LOXHD1: variants seen among roughly 807,000 people sequenced by gnomAD.
LOXHD1 encodes lipoxygenase homology PLAT domains 1.
A neutral mutation model predicts 248.2 loss-of-function variants in LOXHD1; 205 were observed. The observed-to-expected ratio is 0.83, with a 90% CI of 0.74 to 0.93. The LOEUF is 0.93. Ranked by LOEUF, LOXHD1 falls within the 40% of genes least tolerant of loss-of-function variation. The pLI, the probability that LOXHD1 is intolerant of heterozygous loss-of-function variation, is 0.00. For missense variants in LOXHD1, 2,930 were observed against 2,971.6 expected, an observed-to-expected ratio of 0.99 and a Z score of 0.33; for synonymous variants, 1,113 against 1,162.8, an observed-to-expected ratio of 0.96 and a Z score of 0.87.
chr18:46,504,174 T>C (rs1466905629), intron 37 of LOXHD1, among the ~76,000 whole-genome samples: 3 of 152,146 alleles, frequency 2.0e-5, no homozygotes, highest in Non-Finnish European at 4.4e-5. Flanking sequence ...AGTGCAGTGA[T>C]GCAATCACAG....
chr18:46,600,898 ATACT>A (rs1176277743), intron 8 of LOXHD1, among the ~76,000 whole-genome samples: 1 of 152,216 alleles, frequency 6.6e-6, no homozygotes, highest in African/African-American at 2.4e-5. Flanking sequence ...ATACTTTAAA[ATACT>A]TATTGATTGA....
intron 24 of LOXHD1, among the ~76,000 whole-genome samples, chr18:46,542,465 T>A (rs1893567): frequency 3.3e-5 from 5 of 152,284 alleles, no homozygotes; most frequent in Admixed American, 3.3e-4. Context: ...TATCTGGCTG[T>A]GCATTAAAAT....
intron 12 of LOXHD1, among the ~76,000 whole-genome samples, chr18:46,591,301 G>A (rs1196012188): frequency 1.3e-5 from 2 of 152,142 alleles, no homozygotes; most frequent in Admixed American, 1.3e-4. Flanking sequence ...ATTCTTTATT[G>A]AGGGCTACAA....
intron 21 of LOXHD1, among the ~76,000 whole-genome samples, chr18:46,549,665 A>G (rs2037001279): frequency 6.6e-6 from 1 of 152,132 alleles, no homozygotes; most frequent in African/African-American, 2.4e-5. Flanking sequence ...CCAGAGGACA[A>G]CTCTTTATTA....
chr18:46,541,801 C>T lies in LOXHD1; in HGVS notation c.3888G>A (p.Glu1296=). The T allele has an allele frequency of 6.4e-7, 1 of 1,551,728 alleles. No individual in the cohort carries two copies. The highest frequency in any genetic ancestry group is 8.7e-7 in the Non-Finnish European group (1 of 1,146,998). The change falls in exon 25 of 41, where the codon GAG becomes GAA. Residue 1296 remains glutamate, a synonymous_variant. Transcript: ENST00000642948. ...ATGGTGTGTACAGCCTCGTCTGAAGCTCTGCATGGAAGAGGTCTCTGATGA... is the reference window on the plus strand; with the variant it reads ...ATGGTGTGTACAGCCTCGTCTGAAGTTCTGCATGGAAGAGGTCTCTGATGA... The part of the protein sequence containing the change: ...GSIIRDLFHA[E]LQTRLYTPFV...
intron 20 of LOXHD1, chr18:46,557,784 G>T: frequency 9.1e-7 from 1 of 1,101,966 alleles, no homozygotes; most frequent in Non-Finnish European, 1.2e-6. Flanking sequence ...TAGGTTTGCT[G>T]GATGCCCACA....
intron 1 of LOXHD1, 128 bp downstream of exon 1, chr18:46,656,776 A>ATAAT (rs2039187915): frequency 1.1e-5 from 12 of 1,093,578 alleles, no homozygotes; most frequent in Non-Finnish European, 1.6e-5. Context: ...TATGGAACAG[A>ATAAT]CACATGGGAT....
chr18:46,626,999 A>C (rs1312295637), intron 4 of LOXHD1, among the ~76,000 whole-genome samples: 1 of 152,164 alleles, frequency 6.6e-6, no homozygotes, highest in Non-Finnish European at 1.5e-5. Flanking sequence ...GTCATCTTTG[A>C]GTGATTGGAT....
chr18:46,481,871 C>A (rs141680972), intron 40 of LOXHD1, among the ~76,000 whole-genome samples: 223 of 152,310 alleles, frequency 1.5e-3, no homozygotes, highest in African/African-American at 4.7e-3. Flanking sequence ...CCAGGTGGTG[C>A]TGAGAACTCT....
intron 12 of LOXHD1, among the ~76,000 whole-genome samples, chr18:46,585,505 C>T (rs2038042334): frequency 6.6e-6 from 1 of 151,994 alleles, no homozygotes; most frequent in Non-Finnish European, 1.5e-5. Context: ...AAAACATACA[C>T]TCTGGAAACC....
At chr18:46,630,497 C>T (rs1036132794) in intron 4 of LOXHD1, among the ~76,000 whole-genome samples, 2 of 152,214 alleles carry the variant, frequency 1.3e-5, no homozygotes, top group Non-Finnish European at 2.9e-5. Context: ...AGCCCAAGCT[C>T]CTTCAAGACC....
chr18:46,574,109 C>G (rs2144110648), intron 14 of LOXHD1, among the ~76,000 whole-genome samples: 1 of 152,088 alleles, frequency 6.6e-6, no homozygotes, highest in African/African-American at 2.4e-5. Flanking sequence ...GTCAGCAAGC[C>G]CTCGGCCATC....
chr18:46,533,330 G>T lies in LOXHD1; in HGVS notation c.4213-6C>A. On this transcript the variant is annotated splice_polypyrimidine_tract_variant and splice_region_variant and intron_variant, in intron 27 of 40. Coordinates refer to ENST00000642948, the MANE Select transcript of LOXHD1 (RefSeq NM_001384474.1). Reference sequence around the variant, plus strand: ...AAAGTCAAGGTCTCTGCACCCTGGGGTGAGGCAGAAAAAGGAAAATTAGCC... The same window carrying T: ...AAAGTCAAGGTCTCTGCACCCTGGGTTGAGGCAGAAAAAGGAAAATTAGCC... 1 of 1,551,330 alleles carries T rather than the reference G, an allele frequency of 6.4e-7. No homozygotes were observed. The highest frequency in any genetic ancestry group is 8.7e-7 in the Non-Finnish European group (1 of 1,146,832).
chr18:46,563,028 C>A (rs1181366655), intron 18 of LOXHD1, 37 bp downstream of exon 18: 9 of 1,518,474 alleles, frequency 5.9e-6, no homozygotes, highest in South Asian at 1.2e-5. Context: ...GTCCACTGAG[C>A]CTGCTGTTGG....
chr18:46,559,499 G>A lies in LOXHD1; in HGVS notation c.3165C>T (p.Gly1055=), dbSNP rs768431469. 102 of 1,551,778 alleles carry A rather than the reference G, an allele frequency of 6.6e-5. No homozygotes were observed. Among genetic ancestry groups the A allele is most frequent in the East Asian group, 2.2e-4 (9 of 40,930 alleles). ...TIYGEEYGDT[G]ERPLKKSDKS... ...TGTCTGACTTCTTCAGGGGTCGTTC[G>A]CCCGTGTCTCCATACTCCTCGCCGT... Residue 1055 remains glycine, a synonymous_variant, in exon 20 of 41, where the codon GGC becomes GGT. Transcript: ENST00000642948.
intron 2 of LOXHD1, among the ~76,000 whole-genome samples, chr18:46,645,767 C>T (rs1471515070): frequency 6.7e-6 from 1 of 149,644 alleles, no homozygotes; most frequent in Non-Finnish European, 1.5e-5. Context: ...TTATTCTGTA[C>T]TAGGAAAAAA....
At chr18:46,650,745 G>A (rs2039099982) in intron 1 of LOXHD1, among the ~76,000 whole-genome samples, 2 of 152,242 alleles carry the variant, frequency 1.3e-5, no homozygotes, top group Non-Finnish European at 2.9e-5. Flanking sequence ...GTGGAGTGTT[G>A]TGTGCTAGGC....
rs1464245470 is a variant in LOXHD1, at chr18:46,649,276, G to A, written c.131-7C>T. On this transcript the variant is annotated splice_region_variant and splice_polypyrimidine_tract_variant and intron_variant, in intron 1 of 40. Transcript: ENST00000642948. ...GCTGTGACCACTTCATACACTGGAG[G>A]AGGAGAGGAGGAGACAGATTGCAGG... 6.5e-7 allele frequency: 1 copy of A among 1,546,776 alleles called. No individual in the cohort carries two copies.
intron 5 of LOXHD1, among the ~76,000 whole-genome samples, chr18:46,614,119 T>C (rs2038548747): frequency 6.6e-6 from 1 of 152,300 alleles, no homozygotes; most frequent in Middle Eastern, 3.4e-3. Flanking sequence ...ACACTGTTGG[T>C]GGGACTGCAA....
Sources: allele counts gnomAD v4.1 joint callset (sites outside exome capture counted in the v4.1 genomes callset), GRCh38; gene constraint gnomAD v4.1.1; transcripts MANE v1.5; gene names NCBI Gene and HGNC (gene_info 2026-07-23, HGNC 2026-07-21).